Variants in ROBO2 observed in about 807,000 individuals in gnomAD.
The protein encoded by ROBO2 is roundabout homolog 2.
In ROBO2, 53 loss-of-function variants were observed where a neutral mutation model predicts 160.8. That is an observed-to-expected ratio of 0.33 (90% CI 0.26 to 0.41). The LOEUF (loss-of-function observed/expected upper bound fraction) is 0.41. Ranked by LOEUF, ROBO2 falls within the 10% of genes least tolerant of loss-of-function variation. ROBO2 has a pLI of 1.00. For missense variants in ROBO2, 1,577 were observed against 1,722.4 expected (o/e 0.92, Z 1.49); for synonymous variants, 664 against 611.7 (o/e 1.09, Z -1.26).
exon 5 of ROBO2, chr3:77,493,299 T>C (rs1158067164): frequency 2.5e-6 from 4 of 1,613,922 alleles, no homozygotes; most frequent in African/African-American, 1.3e-5. Context: ...AGGAAGAAGC[T>C]GTAGAATTTC....
At chr3:76,135,984 G>A (rs1559581205) in intron 2 of ROBO2, among the ~76,000 whole-genome samples, 2 of 151,882 alleles carry the variant, frequency 1.3e-5, no homozygotes, top group East Asian at 1.9e-4. Context: ...GTAACATAAA[G>A]CTTAAAATAG....
chr3:76,337,882 G>C lies in ROBO2; in HGVS notation c.109+400280G>C, dbSNP rs921236307. Among the ~76,000 whole-genome samples the C allele has an allele frequency of 4.6e-4, 70 of 152,064 alleles. 1 individual carries two copies. The highest frequency in any genetic ancestry group is 4.6e-3 in the Admixed American group (70 of 15,260). On this transcript the variant is annotated intron_variant, in intron 2 of 26. Transcript: ENST00000487694. Reference sequence around the variant, plus strand: ...CGTTCAAAAGTAATAAAATTGATGAGGTTTTGGGCTCCACCATAGGAGATT... The same window carrying C: ...CGTTCAAAAGTAATAAAATTGATGACGTTTTGGGCTCCACCATAGGAGATT...
At chr3:76,405,852 T>C (rs1183719562) in intron 2 of ROBO2, among the ~76,000 whole-genome samples, 3 of 151,782 alleles carry the variant, frequency 2.0e-5, no homozygotes, top group African/African-American at 7.2e-5. Context: ...AAATTATATC[T>C]GGAAAATAAT....
intron 2 of ROBO2, among the ~76,000 whole-genome samples, chr3:76,689,201 C>T (rs2092747882): frequency 6.6e-6 from 1 of 151,972 alleles, no homozygotes; most frequent in African/African-American, 2.4e-5. Context: ...TATATAACAT[C>T]ATGTTTATTC....
chr3:76,626,883 A>T (rs2089682463), intron 2 of ROBO2, among the ~76,000 whole-genome samples: 1 of 151,944 alleles, frequency 6.6e-6, no homozygotes, highest in African/African-American at 2.4e-5. Context: ...GTGGAGACGA[A>T]GTTTCACCAT....
chr3:77,219,432 G>GTTTA (rs1235543969), intron 2 of ROBO2, among the ~76,000 whole-genome samples: 1 of 76,756 alleles, frequency 1.3e-5, no homozygotes. Context: ...GTGTATGTGT[G>GTTTA]TGTATATATA....
At position 76,016,321 on chromosome 3, in the gene ROBO2, C is replaced by T. The variant is rs540809903; in HGVS notation, c.109+78719C>T. 1.9e-4 allele frequency among the ~76,000 whole-genome samples: 29 copies of T among 151,562 alleles called. 1 individual carries two copies. The highest frequency in any genetic ancestry group is 6.8e-4 in the African/African-American group (28 of 41,272). ...ATTCTGGAGAAGTGTGATATCGAAG[C>T]TCAATTAAACTTGATATTTAAAGTC... On this transcript the variant is annotated intron_variant, in intron 2 of 26. Transcript: ENST00000487694.
At chr3:76,241,240 T>G (rs1278830811) in intron 2 of ROBO2, among the ~76,000 whole-genome samples, 3 of 152,180 alleles carry the variant, frequency 2.0e-5, no homozygotes, top group South Asian at 4.1e-4. Flanking sequence ...CATGATGCCA[T>G]GGCTTCCCGG....
intron 2 of ROBO2, among the ~76,000 whole-genome samples, chr3:76,394,034 T>C (rs1311528193): frequency 6.6e-6 from 1 of 152,128 alleles, no homozygotes; most frequent in African/African-American, 2.4e-5. Flanking sequence ...GCACGTGAGA[T>C]GGGTTTCCTG....
chr3:77,195,443 A>G (rs1053892500), intron 2 of ROBO2, among the ~76,000 whole-genome samples: 4 of 152,224 alleles, frequency 2.6e-5, no homozygotes, highest in African/African-American at 9.6e-5. Context: ...TGCACTGATG[A>G]GCAGTTCAAG....
chr3:77,133,757 A>C (rs2076049757), intron 2 of ROBO2, among the ~76,000 whole-genome samples: 1 of 151,986 alleles, frequency 6.6e-6, no homozygotes, highest in East Asian at 1.9e-4. Flanking sequence ...ATACAACTAT[A>C]AGTATTTACA....
intron 2 of ROBO2, among the ~76,000 whole-genome samples, chr3:76,498,296 G>A (rs956541976): frequency 2.0e-5 from 3 of 152,088 alleles, no homozygotes; most frequent in African/African-American, 7.2e-5. Flanking sequence ...AGTTGCTGGG[G>A]GCGCAGTAGG....
rs1031351748 is a variant in ROBO2 at position 76,927,366 on chromosome 3, G to A, written c.110-170648G>A. 7.2e-5 allele frequency among the ~76,000 whole-genome samples: 11 copies of A among 152,080 alleles called. 1 individual carries two copies. Among genetic ancestry groups the A allele is most frequent in the East Asian group, 5.8e-4 (3 of 5,170 alleles). The stretch of plus-strand genomic sequence containing the variant: ...ACAGTGGATTCTTCCAAACTTCTAA[G>A]GACATTTTAAGAAAATTTCCATACA... On this transcript the variant is annotated intron_variant, in intron 2 of 26. Coordinates refer to the ROBO2 transcript ENST00000487694.
intron 2 of ROBO2, among the ~76,000 whole-genome samples, chr3:76,496,668 T>C (rs2080168485): frequency 2.6e-5 from 4 of 152,210 alleles, no homozygotes; most frequent in Admixed American, 2.6e-4. Flanking sequence ...GTTTCTGTCA[T>C]GTTGGTAAAT....
intron 2 of ROBO2, among the ~76,000 whole-genome samples, chr3:76,057,657 G>A (rs991736287): frequency 3.9e-5 from 6 of 152,150 alleles, no homozygotes; most frequent in African/African-American, 7.2e-5. Flanking sequence ...AGCTGGAACC[G>A]TATTATACAG....
intron 2 of ROBO2, among the ~76,000 whole-genome samples, chr3:76,670,236 T>A (rs574483853): frequency 6.6e-6 from 1 of 152,190 alleles, no homozygotes; most frequent in South Asian, 2.1e-4. Context: ...AAGAGTTCTG[T>A]GTATTTTAGC....
At chr3:77,000,121 G>A (rs1225524850) in intron 2 of ROBO2, among the ~76,000 whole-genome samples, 5 of 152,008 alleles carry the variant, frequency 3.3e-5, no homozygotes, top group Non-Finnish European at 5.9e-5. Flanking sequence ...AAAAGAACCA[G>A]GTCCTGATTT....
chr3:75,971,610 T>C (rs2064996412), intron 2 of ROBO2, among the ~76,000 whole-genome samples: 1 of 151,524 alleles, frequency 6.6e-6, no homozygotes. Context: ...CCATCTAGAT[T>C]ATTAAAAATT....
intron 2 of ROBO2, among the ~76,000 whole-genome samples, chr3:76,289,322 T>G (rs1708687574): frequency 6.6e-6 from 1 of 152,220 alleles, no homozygotes. Context: ...TTACATCTTT[T>G]ACTCACTTTT....
Sources: allele counts gnomAD v4.1 joint callset (sites outside exome capture counted in the v4.1 genomes callset), GRCh38; gene constraint gnomAD v4.1.1; transcripts MANE v1.5; gene names NCBI Gene and HGNC (gene_info 2026-07-23, HGNC 2026-07-21).